Variants in TMEM163 observed in about 807,000 individuals in gnomAD.
The protein encoded by TMEM163 is transmembrane protein 163.
TMEM163 carries 17 observed loss-of-function variants against 29.3 expected under a neutral mutation model. The observed-to-expected ratio is 0.58, with a 90% CI of 0.40 to 0.87. The LOEUF is 0.87. Ranked by LOEUF, TMEM163 falls within the 40% of genes least tolerant of loss-of-function variation. TMEM163 has a pLI of 0.00. For missense variants in TMEM163, 303 were observed against 381.5 expected (o/e 0.79, Z 1.71); for synonymous variants, 157 against 160.6 (o/e 0.98, Z 0.17).
At chr2:134,633,256 A>T (rs1683021551) in intron 2 of TMEM163, among the ~76,000 whole-genome samples, 1 of 152,208 alleles carries the variant, frequency 6.6e-6, no homozygotes, top group African/African-American at 2.4e-5. Flanking sequence ...AGCAAAAGAT[A>T]CTGCAAATGC....
chr2:134,705,103 G>A (rs1014393624), intron 2 of TMEM163, among the ~76,000 whole-genome samples: 12 of 151,880 alleles, frequency 7.9e-5, no homozygotes, highest in East Asian at 3.9e-4. Flanking sequence ...CCAGCTACTC[G>A]GGAGGCTGAG....
chr2:134,471,345 C>G lies in TMEM163; in HGVS notation c.556-5120G>C, dbSNP rs7591732. Among the ~76,000 whole-genome samples the G allele has an allele frequency of 5.7e-3, 864 of 152,164 alleles. 9 individuals carry two copies. The highest frequency in any genetic ancestry group is 0.02 in the African/African-American group (819 of 41,506). On this transcript the variant is annotated intron_variant, in intron 5 of 7. Transcript: ENST00000281924. Reference sequence around the variant, plus strand: ...GGGGGACCTCATAATGAGACTAGTACCCTTATAAGAAAACAGAAGATCTTT... The same window carrying G: ...GGGGGACCTCATAATGAGACTAGTAGCCTTATAAGAAAACAGAAGATCTTT...
chr2:134,458,482 C>G (rs1377407779), intron 6 of TMEM163: 1 of 344,360 alleles, frequency 2.9e-6, no homozygotes, highest in Non-Finnish European at 5.5e-6. Context: ...CTCCTAGAGG[C>G]AGGGGTGTGG....
At chr2:134,628,074 A>G (rs1682891586) in intron 2 of TMEM163, among the ~76,000 whole-genome samples, 2 of 152,236 alleles carry the variant, frequency 1.3e-5, no homozygotes, top group South Asian at 4.1e-4. Context: ...GATTTTCTTG[A>G]TGGAAATGTG....
chr2:134,628,680 T>C (rs550278110), intron 2 of TMEM163, among the ~76,000 whole-genome samples: 1 of 152,388 alleles, frequency 6.6e-6, no homozygotes, highest in South Asian at 2.1e-4. Context: ...GACATCCATG[T>C]GACGTAACTG....
At chr2:134,697,887 C>A (rs1187037247) in intron 2 of TMEM163, among the ~76,000 whole-genome samples, 1 of 152,114 alleles carries the variant, frequency 6.6e-6, no homozygotes, top group Non-Finnish European at 1.5e-5. Flanking sequence ...CCTATAAATT[C>A]TCTGTTGCCT....
intron 4 of TMEM163, among the ~76,000 whole-genome samples, chr2:134,518,657 G>A (rs1269153654): frequency 6.6e-6 from 1 of 152,132 alleles, no homozygotes; most frequent in Non-Finnish European, 1.5e-5. Flanking sequence ...TTCTAGCACG[G>A]TCCCAATTCA....
At chr2:134,546,683 C>T (rs1041266543) in intron 4 of TMEM163, among the ~76,000 whole-genome samples, 1 of 144,772 alleles carries the variant, frequency 6.9e-6, no homozygotes, top group Non-Finnish European at 1.5e-5. Flanking sequence ...TGTGGTGGTG[C>T]ATGCCTGTAG....
intron 2 of TMEM163, among the ~76,000 whole-genome samples, chr2:134,592,262 C>A (rs1681953013): frequency 6.6e-6 from 1 of 152,166 alleles, no homozygotes; most frequent in South Asian, 2.1e-4. Context: ...TAGTAAAAGT[C>A]TCCTTTTGGA....
At chr2:134,650,381 T>C (rs1558978066) in intron 2 of TMEM163, among the ~76,000 whole-genome samples, 2 of 152,106 alleles carry the variant, frequency 1.3e-5, no homozygotes, top group Non-Finnish European at 2.9e-5. Context: ...AGCAAGATTA[T>C]AGGTGATGAT....
intron 5 of TMEM163, among the ~76,000 whole-genome samples, chr2:134,497,348 G>T (rs1679592413): frequency 6.6e-6 from 1 of 152,176 alleles, no homozygotes; most frequent in African/African-American, 2.4e-5. Flanking sequence ...ATTAGCATAT[G>T]TTCATGTATT....
At chr2:134,684,789 G>C (rs1043129269) in intron 2 of TMEM163, among the ~76,000 whole-genome samples, 1 of 152,002 alleles carries the variant, frequency 6.6e-6, no homozygotes, top group African/African-American at 2.4e-5. Context: ...CCAGTGTGGT[G>C]GTGGGCACCT....
intron 5 of TMEM163, among the ~76,000 whole-genome samples, chr2:134,478,528 C>A (rs1168678270): frequency 6.6e-6 from 1 of 152,082 alleles, no homozygotes; most frequent in African/African-American, 2.4e-5. Flanking sequence ...GTGTTTGTGC[C>A]CTAGGAATCT....
chr2:134,531,065 G>A (rs1288132062), intron 4 of TMEM163, among the ~76,000 whole-genome samples: 1 of 152,118 alleles, frequency 6.6e-6, no homozygotes, highest in African/African-American at 2.4e-5. Flanking sequence ...GAGTAAGGGG[G>A]CTAACAGTTT....
At chr2:134,568,593 GA>G (rs1197466304) in intron 2 of TMEM163, among the ~76,000 whole-genome samples, 1 of 95,166 alleles carries the variant, frequency 1.1e-5, no homozygotes, top group Non-Finnish European at 2.3e-5. Context: ...AGAAGGAAAA[GA>G]AAAAGGAAAG....
chr2:134,457,998 CCAGGAAAGCAAA>C lies in TMEM163; in HGVS notation c.809+22_809+33del, dbSNP rs745555000. 19 of 1,613,438 alleles carry C rather than the reference CCAGGAAAGCAAA, an allele frequency of 1.2e-5. No homozygotes were observed. In the African/African-American group the frequency reaches 2.0e-4, roughly 17 times the overall value. The stretch of plus-strand genomic sequence containing the variant: ...GGTGGAAAAGGGACACTCCTAGCTG[CCAGGAAAGCAAA>C]CAGGAAAGCACAAGAACCTACTTGA... On this transcript the variant is annotated intron_variant, in intron 7 of 7. Transcript: ENST00000281924.
chr2:134,493,866 G>A (rs958857106), intron 5 of TMEM163, among the ~76,000 whole-genome samples: 23 of 152,102 alleles, frequency 1.5e-4, no homozygotes, highest in African/African-American at 5.6e-4. Flanking sequence ...CATTTGTTGA[G>A]GAGACTTTCC....
chr2:134,516,519 C>G (rs1372494778), intron 4 of TMEM163, among the ~76,000 whole-genome samples: 1 of 151,226 alleles, frequency 6.6e-6, no homozygotes, highest in African/African-American at 2.4e-5. Context: ...TGAGATTGCG[C>G]CACTGCACTC....
intron 4 of TMEM163, among the ~76,000 whole-genome samples, chr2:134,504,946 C>A (rs1485934193): frequency 1.3e-5 from 2 of 152,136 alleles, no homozygotes; most frequent in Non-Finnish European, 2.9e-5. Context: ...ATCATCACTC[C>A]CAAAGCACTT....
Sources: gnomAD v4.1 joint callset for allele counts (sites outside exome capture counted in the v4.1 genomes callset) on GRCh38, gnomAD v4.1.1 for gene constraint, MANE v1.5 for transcripts, NCBI Gene and HGNC (gene_info 2026-07-23, HGNC 2026-07-21) for gene names.